Variants in SPATA13 observed in about 807,000 individuals in gnomAD.
SPATA13 encodes the protein spermatogenesis associated 13, also known as spermatogenesis-associated protein 13.
SPATA13 carries 50 observed loss-of-function variants against 104.0 expected under a neutral mutation model. The observed-to-expected ratio is 0.48, with a 90% CI of 0.38 to 0.61. The LOEUF (loss-of-function observed/expected upper bound fraction) is 0.61, where lower values mean the gene tolerates loss of function less well. Ranked by LOEUF, SPATA13 falls within the 20% of genes least tolerant of loss-of-function variation. The pLI, the probability that SPATA13 is intolerant of heterozygous loss-of-function variation, is 0.00. For synonymous variants in SPATA13, 606 were observed against 667.5 expected, an observed-to-expected ratio of 0.91 and a Z score of 1.42; for missense variants, 1,524 against 1,690.6, an observed-to-expected ratio of 0.90 and a Z score of 1.73.
At chr13:24,091,327 A>ATC (rs1879904729) in intron 3 of SPATA13, among the ~76,000 whole-genome samples, 2 of 152,350 alleles carry the variant, frequency 1.3e-5, no homozygotes, top group South Asian at 4.1e-4. Flanking sequence ...CCTTATGGAC[A>ATC]TCTCATTCCC....
intron 10 of SPATA13, among the ~76,000 whole-genome samples, chr13:24,297,036 T>TTTG (rs371279268): frequency 1.3e-5 from 2 of 151,844 alleles, no homozygotes; most frequent in Non-Finnish European, 1.5e-5. Flanking sequence ...TGTTTGTTTG[T>TTTG]TTGTTGTTGT....
chr13:24,107,709 C>T (rs1880498970), intron 3 of SPATA13, among the ~76,000 whole-genome samples: 1 of 152,152 alleles, frequency 6.6e-6, no homozygotes, highest in African/African-American at 2.4e-5. Context: ...AAACTATAGA[C>T]TTGGTAAGAA....
At chr13:24,087,252 G>A (rs1879756113) in intron 3 of SPATA13, among the ~76,000 whole-genome samples, 1 of 152,112 alleles carries the variant, frequency 6.6e-6, no homozygotes, top group South Asian at 2.1e-4. Context: ...AGGGGCCTGG[G>A]ACCTCCCCAG....
intron 4 of SPATA13, among the ~76,000 whole-genome samples, chr13:24,267,869 A>G (rs1475425735): frequency 6.6e-6 from 1 of 152,280 alleles, no homozygotes. Context: ...AGTATGTTGT[A>G]TAGTTTCTTG....
chr13:24,283,446 G>A (rs918436890), intron 4 of SPATA13, among the ~76,000 whole-genome samples: 2 of 152,222 alleles, frequency 1.3e-5, no homozygotes, highest in Non-Finnish European at 2.9e-5. Context: ...CTGAGGCCAT[G>A]AGTCTGAAAG....
At position 24,224,070 on chromosome 13, in the gene SPATA13, C is replaced by T. The variant is rs202043368; in HGVS notation, c.1141C>T (p.His381Tyr). ...QDSRRGGAVM[H>Y]GTTATCTVAP... ...CAGCAGGCGGGGCGGGGCGGTCATG[C>T]ATGGGACCACTGCAACCTGCACCGT... The change falls in exon 2 of 13, where the codon CAT becomes TAT. Residue 381 changes from histidine to tyrosine, a missense_variant. Around this residue, in one of 2 missense-constraint regions of SPATA13, gnomAD observed 1,089 missense variants for 1,135.9 expected, o/e 0.96. Transcript: ENST00000382108. 13 of 1,550,286 alleles carry T rather than the reference C, an allele frequency of 8.4e-6. No individual in the cohort carries two copies. Among genetic ancestry groups the T allele is most frequent in the East Asian group, 2.4e-5 (1 of 40,904 alleles).
chr13:24,067,509 C>G (rs990074662), intron 3 of SPATA13, among the ~76,000 whole-genome samples: 2 of 152,138 alleles, frequency 1.3e-5, no homozygotes, highest in African/African-American at 4.8e-5. Flanking sequence ...CAAGTAGATT[C>G]AAGAAAGTTA....
At chr13:24,112,821 A>G (rs956382) in intron 3 of SPATA13, among the ~76,000 whole-genome samples, 30,682 of 152,080 alleles carry the variant, frequency 0.2, 5,070 homozygotes, top group African/African-American at 0.44. Context: ...CTTTGCTGTC[A>G]TTGCTTCAGA....
intron 3 of SPATA13, among the ~76,000 whole-genome samples, chr13:24,044,710 A>G (rs1878066249): frequency 6.6e-6 from 1 of 152,058 alleles, no homozygotes; most frequent in Non-Finnish European, 1.5e-5. Context: ...ATTTTGAAAT[A>G]TACAGTACAT....
chr13:23,987,868 T>C (rs1306158767), intron 2 of SPATA13, among the ~76,000 whole-genome samples: 1 of 152,196 alleles, frequency 6.6e-6, no homozygotes, highest in African/African-American at 2.4e-5. Context: ...ATTTGCCCTT[T>C]AGTATCTGGC....
rs370515360 is a variant in SPATA13 at position 24,088,959 on chromosome 13, C to T, written c.-112+71258C>T. 3.3e-5 allele frequency among the ~76,000 whole-genome samples: 5 copies of T among 152,132 alleles called. No homozygotes were observed. Among genetic ancestry groups the T allele is most frequent in the Non-Finnish European group, 5.9e-5 (4 of 68,014 alleles). Reference sequence around the variant, plus strand: ...TGATCTGGGTCTGGAGACAGGGATGCGGTCATCGACAGCTCTGGGTTTATG... The same window carrying T: ...TGATCTGGGTCTGGAGACAGGGATGTGGTCATCGACAGCTCTGGGTTTATG... On this transcript the variant is annotated intron_variant, in intron 3 of 14. Coordinates refer to the SPATA13 transcript ENST00000424834. The surrounding 1 kb of genome is among the most constrained non-coding windows in gnomAD (Gnocchi z 4.3).
chr13:24,160,668 C>G, upstream of SPATA13: 1 of 961,062 alleles, frequency 1.0e-6, no homozygotes, highest in Non-Finnish European at 1.2e-6. Flanking sequence ...GGGGGAAGAG[C>G]CGGGCTGGGG....
chr13:24,119,637 G>T (rs558252295), intron 3 of SPATA13, among the ~76,000 whole-genome samples: 3 of 152,284 alleles, frequency 2.0e-5, no homozygotes, highest in East Asian at 3.9e-4. Flanking sequence ...GCTTAGAACA[G>T]CAGAGCCCCT....
intron 2 of SPATA13, among the ~76,000 whole-genome samples, chr13:24,006,464 A>G (rs923652385): frequency 6.6e-6 from 1 of 152,226 alleles, no homozygotes; most frequent in Non-Finnish European, 1.5e-5. Context: ...TCCCCATTTC[A>G]TCTAATGTGA....
intron 1 of SPATA13, among the ~76,000 whole-genome samples, chr13:24,172,412 A>G (rs1420626001): frequency 6.6e-6 from 1 of 152,176 alleles, no homozygotes; most frequent in African/African-American, 2.4e-5. Flanking sequence ...TTTTGGTACC[A>G]AGTCTAAGAA....
At chr13:24,255,127 C>G (rs1285295437) in intron 4 of SPATA13, among the ~76,000 whole-genome samples, 1 of 152,208 alleles carries the variant, frequency 6.6e-6, no homozygotes, top group African/African-American at 2.4e-5. Flanking sequence ...TTGCCAAAGC[C>G]ATCTCTCCTA....
chr13:24,249,946 C>T (rs1288710803), intron 3 of SPATA13, 104 bp downstream of exon 3: 28 of 1,450,576 alleles, frequency 1.9e-5, no homozygotes, highest in East Asian at 4.7e-5. Flanking sequence ...CTCCCGTTCT[C>T]AAGGGCGGCA....
At chr13:24,030,087 C>CAT (rs1431553113) in intron 3 of SPATA13, among the ~76,000 whole-genome samples, 56 of 124,020 alleles carry the variant, frequency 4.5e-4, no homozygotes, top group Non-Finnish European at 5.5e-4. Flanking sequence ...CACACACACA[C>CAT]ACATACATAC....
intron 3 of SPATA13, among the ~76,000 whole-genome samples, chr13:24,062,606 G>T (rs117109007): frequency 6.6e-6 from 1 of 152,106 alleles, no homozygotes; most frequent in East Asian, 1.9e-4. Flanking sequence ...CTAATTTTCC[G>T]TTTTCTTATA....
Sources: allele counts gnomAD v4.1 joint callset (sites outside exome capture counted in the v4.1 genomes callset), GRCh38; gene constraint gnomAD v4.1.1; regional missense constraint gnomAD v4.1.1; non-coding constraint Gnocchi (gnomAD v3.1); transcripts MANE v1.5; gene names NCBI Gene and HGNC (gene_info 2026-07-23, HGNC 2026-07-21).